The following TM7SF2 variants were observed in gnomAD, a reference collection of about 807,000 sequenced individuals.
TM7SF2 encodes delta(14)-sterol reductase TM7SF2.
TM7SF2 carries 51 observed loss-of-function variants against 51.0 expected under a neutral mutation model. The ratio of observed to expected loss-of-function variants is 1.00; its 90% CI spans 0.80 to 1.26. The LOEUF is 1.26. Ranked by LOEUF, TM7SF2 falls within the 50% of genes most tolerant of loss-of-function variation. The pLI is 0.00. For missense variants in TM7SF2, 541 were observed against 547.4 expected (o/e 0.99, Z 0.12); for synonymous variants, 255 against 241.0 (o/e 1.06, Z -0.54).
At chr11:65,115,780 G>C in intron 9 of TM7SF2, 113 bp from the exon 10 acceptor site, 2 of 1,584,226 alleles carry the variant, frequency 1.3e-6, no homozygotes, top group Non-Finnish European at 1.7e-6. Flanking sequence ...TGCAGACCCT[G>C]GCGCTTTTGC....
rs528818999 is a variant in TM7SF2 at position 65,112,744 on chromosome 11, G to A, written c.249+33G>A. 140 of 1,549,184 alleles carry A rather than the reference G, an allele frequency of 9.0e-5. No homozygotes were observed. In the South Asian group the frequency reaches 1.5e-3, roughly 17 times the overall value. ...CCCCGCTCGCGGACGCTCGGGGGAG[G>A]GAAGCGAATGGGCTCGGCGAGGGAA... On this transcript the variant is annotated intron_variant, in intron 2 of 9. Coordinates refer to ENST00000279263, the MANE Select transcript of TM7SF2 (RefSeq NM_003273.6).
In TM7SF2 at chr11:65,112,845, G is replaced by A. The variant is rs1208803014; in HGVS notation, c.284G>A (p.Arg95His). 3.9e-6 allele frequency: 6 copies of A among 1,550,738 alleles called. No homozygotes were observed. Among genetic ancestry groups the A allele is most frequent in the Non-Finnish European group, 3.5e-6 (4 of 1,147,096 alleles). ...AEGQELKDKSRLRYPINGFQA... is the reference protein window; with the variant it reads ...AEGQELKDKSHLRYPINGFQA... ...GGGCAGGAATTGAAGGACAAGAGTC[G>A]CCTGCGCTATCCTATTAACGGTGCC... The change falls in exon 3 of 10, where the codon CGC becomes CAC. Residue 95 changes from arginine to histidine, a missense_variant. Physicochemically the swap from Arg to His is conservative, Grantham distance 29. Coordinates refer to ENST00000279263, the MANE Select transcript of TM7SF2 (RefSeq NM_003273.6).
In TM7SF2 at chr11:65,112,954, CACCCCAGGCT is replaced by C; in HGVS notation, c.304+90_304+99del. 3 of 1,462,702 alleles carry C rather than the reference CACCCCAGGCT, an allele frequency of 2.1e-6. 1 individual carries two copies. In the South Asian group the frequency reaches 3.8e-5, roughly 18 times the overall value. The allele number at this position is 1,462,702 out of a possible 1,614,324, so 90.6% of individuals were successfully genotyped here. On this transcript the variant is annotated intron_variant, in intron 3 of 9. Coordinates refer to ENST00000279263, the MANE Select transcript of TM7SF2 (RefSeq NM_003273.6). ...GGGGAGGTCCACGGAGATTGGCCCCCACCCCAGGCTCCTTTGTGTGCCTCTGTTACGCCCA... is the reference window on the plus strand; with the variant it reads ...GGGGAGGTCCACGGAGATTGGCCCCCCCTTTGTGTGCCTCTGTTACGCCCA...
chr11:65,113,559 T>C lies in TM7SF2; in HGVS notation c.568T>C (p.Tyr190His). 1 of 1,614,174 alleles carries C rather than the reference T, an allele frequency of 6.2e-7. No homozygotes were observed. The highest frequency in any genetic ancestry group is 8.5e-7 in the Non-Finnish European group (1 of 1,180,036). Reference sequence around the variant, plus strand: ...TCGTATCTGTTTCTTCGACTTCAAATATTTCTGTGAACTGCGACCCGGCCT... The same window carrying C: ...TCGTATCTGTTTCTTCGACTTCAAACATTTCTGTGAACTGCGACCCGGCCT... ...NPRICFFDFK[Y>H]FCELRPGLIG... Residue 190 changes from tyrosine to histidine, a missense_variant, in exon 5 of 10, where the codon TAT becomes CAT. Coordinates refer to ENST00000279263, the MANE Select transcript of TM7SF2 (RefSeq NM_003273.6).
rs1451636203 is a variant in TM7SF2 at position 65,113,328 on chromosome 11, C to T, written c.413C>T (p.Thr138Ile). ...CTCCTGCCCTTGGCGTTTGTCGCCA[C>T]CCTCACCGCTTTCATCTTCAGCCTC... ...EMLLPLAFVATLTAFIFSLFL... is the reference protein window; with the variant it reads ...EMLLPLAFVAILTAFIFSLFL... The change falls in exon 4 of 10, where the codon ACC becomes ATC. Residue 138 changes from threonine (T) to isoleucine (I), a missense_variant. Thr to Ile is a moderately conservative substitution (Grantham distance 89, BLOSUM62 -1). Transcript: ENST00000279263. 2 of 1,613,852 alleles carry T rather than the reference C, an allele frequency of 1.2e-6. No homozygotes were observed.
rs1590817566 is a variant in TM7SF2 at position 65,115,371 on chromosome 11, A to T, written c.950A>T (p.Asn317Ile). The T allele has an allele frequency of 1.2e-6, 2 of 1,614,198 alleles. No individual in the cohort carries two copies. Among genetic ancestry groups the T allele is most frequent in the East Asian group, 4.5e-5 (2 of 44,882 alleles). The change falls in exon 8 of 10, where the codon AAT (asparagine) becomes ATT (isoleucine). Residue 317 changes from asparagine (N) to isoleucine (I), a missense_variant. Transcript: ENST00000279263. Reference protein sequence around the residue: ...ANSQKNTFRKNPSDPRVAGLE... With the variant: ...ANSQKNTFRKIPSDPRVAGLE... ...TCCCAGAAAAACACTTTCCGAAAGAATCCTTCTGACCCCAGAGTGGCTGGT... is the reference window on the plus strand; with the variant it reads ...TCCCAGAAAAACACTTTCCGAAAGATTCCTTCTGACCCCAGAGTGGCTGGT...
intron 9 of TM7SF2, 114 bp downstream of exon 9, chr11:65,115,712 T>C: frequency 1.9e-6 from 3 of 1,591,372 alleles, no homozygotes; most frequent in Admixed American, 3.4e-5. Context: ...GAGCTGGGGG[T>C]GGACCCAGTG....
chr11:65,113,447 G>A (rs1246470016), intron 4 of TM7SF2, 33 bp downstream of exon 4: 2 of 1,614,078 alleles, frequency 1.2e-6, no homozygotes, highest in African/African-American at 2.7e-5. Flanking sequence ...GACGGAGGCA[G>A]ATTGGGGCGT....
chr11:65,112,861 T>A lies in TM7SF2; in HGVS notation c.300T>A (p.Ile100=). The change falls in exon 3 of 10, where the codon ATT becomes ATA. Residue 100 remains isoleucine (I), a synonymous_variant. Coordinates refer to ENST00000279263, the MANE Select transcript of TM7SF2 (RefSeq NM_003273.6). ...LKDKSRLRYP[I]NGFQALVLTA... ...ACAAGAGTCGCCTGCGCTATCCTAT[T>A]AACGGTGCCTAGGGGACGGGCCCTC... 1 of 1,550,686 alleles carries A rather than the reference T, an allele frequency of 6.4e-7. No homozygotes were observed. Among genetic ancestry groups the A allele is most frequent in the Non-Finnish European group, 8.7e-7 (1 of 1,147,082 alleles).
chr11:65,113,679 CTG>C, intron 5 of TM7SF2, 85 bp downstream of exon 5: 8 of 1,151,422 alleles, frequency 6.9e-6, no homozygotes, highest in Admixed American at 1.7e-5. Context: ...AGGGCCAAAA[CTG>C]TGCAGATGCG....
rs763686518 is a variant in TM7SF2 at position 65,112,570 on chromosome 11, G to A, written c.108G>A (p.Ala36=). Residue 36 remains alanine (A), a synonymous_variant, in exon 2 of 10, where the codon GCG becomes GCA. Transcript: ENST00000279263. ...CCACCATGTTCCACCTGCTCCTGGC[G>A]GCCCGTTCGGGCCCCGCGCGCCTGC... ...LPATMFHLLL[A]ARSGPARLLG... is the part of the protein sequence containing the mutation. 1 of 1,522,430 alleles carries A rather than the reference G, an allele frequency of 6.6e-7. No individual in the cohort carries two copies. Among genetic ancestry groups the A allele is most frequent in the Non-Finnish European group, 8.7e-7 (1 of 1,143,884 alleles). The allele number at this position is 1,522,430 out of a possible 1,614,324, so 94.3% of individuals were successfully genotyped here. A position where few individuals can be genotyped will look rare whatever the true frequency, so the allele number is the denominator to read the frequency against.
intron 5 of TM7SF2, 61 bp downstream of exon 5, chr11:65,113,655 C>A: frequency 6.7e-7 from 1 of 1,494,692 alleles, no homozygotes. Context: ...GGGTGAGCAG[C>A]GCTTGGGCAG....
Position 65,113,499 on chromosome 11 carries a change from A to T in TM7SF2, c.508A>T (p.Ile170Phe), listed in dbSNP as rs1358110223. ...LAPGGNSGNP[I>F]YDFFLGRELN... ...TCTCCAATATTCTCCAGGCAATCCG[A>T]TTTACGACTTTTTTCTGGGACGAGA... is the stretch of plus-strand genomic sequence containing the variant. The change falls in exon 5 of 10, where the codon ATT becomes TTT. Residue 170 changes from isoleucine to phenylalanine, a missense_variant. Physicochemically the swap from Ile to Phe is conservative, Grantham distance 21. Coordinates refer to ENST00000279263, the MANE Select transcript of TM7SF2 (RefSeq NM_003273.6). 1 of 1,613,974 alleles carries T rather than the reference A, an allele frequency of 6.2e-7. No individual in the cohort carries two copies. Among genetic ancestry groups the T allele is most frequent in the East Asian group, 2.2e-5 (1 of 44,882 alleles).
chr11:65,112,663 C>T lies in TM7SF2; in HGVS notation c.201C>T (p.Leu67=), dbSNP rs1028506578. ...GCCCACGGGCGCTGCTGCTGTGGCT[C>T]GCCTGGCTCGGCCTGCAGGCGGCGC... ...LWSPRALLLW[L]AWLGLQAALY... is the part of the protein sequence containing the mutation. The change falls in exon 2 of 10, where the codon CTC becomes CTT. Residue 67 remains leucine (L), a synonymous_variant. Coordinates refer to ENST00000279263, the MANE Select transcript of TM7SF2 (RefSeq NM_003273.6). 1 of 1,531,586 alleles carries T rather than the reference C, an allele frequency of 6.5e-7. No individual in the cohort carries two copies. The highest frequency in any genetic ancestry group is 8.8e-7 in the Non-Finnish European group (1 of 1,141,752). 94.9% of individuals were successfully genotyped at this position (1,531,586 alleles called of 1,614,324 possible).
At chr11:65,113,973 G>A (rs1028093990) in intron 5 of TM7SF2, among the ~76,000 whole-genome samples, 5 of 152,152 alleles carry the variant, frequency 3.3e-5, no homozygotes, top group Non-Finnish European at 5.9e-5. Context: ...GAAATTGATC[G>A]CTGGGGTTAG....
Position 65,115,584 on chromosome 11 carries a change from G to A in TM7SF2, c.1082G>A (p.Trp361Ter). Residue 361 changes from tryptophan (W) to a stop codon, truncating the protein, a stop_gained, in exon 9 of 10, where the codon TGG becomes TAG. Coordinates refer to ENST00000279263, the MANE Select transcript of TM7SF2 (RefSeq NM_003273.6). LOFTEE classifies it high-confidence loss of function. The stretch of plus-strand genomic sequence containing the variant: ...GGAGACCTCATCATGGCTCTGGCTT[G>A]GTCCTTGCCCTGCGGTGAGTGGCCC... The part of the protein sequence containing the change: ...YLGDLIMALA[W>*]SLPCGVSHLL... The A allele has an allele frequency of 1.2e-6, 2 of 1,614,050 alleles. No homozygotes were observed. The highest frequency in any genetic ancestry group is 1.7e-6 in the Non-Finnish European group (2 of 1,180,016).
In TM7SF2 at chr11:65,113,555, C is replaced by G. The variant is rs371986771; in HGVS notation, c.564C>G (p.Phe188Leu). 1.2e-6 allele frequency: 2 copies of G among 1,612,486 alleles called. No individual in the cohort carries two copies. The highest frequency in any genetic ancestry group is 1.7e-4 in the Middle Eastern group (1 of 6,056). Residue 188 changes from phenylalanine to leucine, a missense_variant, in exon 5 of 10, where the codon TTC becomes TTG. Coordinates refer to ENST00000279263, the MANE Select transcript of TM7SF2 (RefSeq NM_003273.6). ...ACCCTCGTATCTGTTTCTTCGACTTCAAATATTTCTGTGAACTGCGACCCG... is the reference window on the plus strand; with the variant it reads ...ACCCTCGTATCTGTTTCTTCGACTTGAAATATTTCTGTGAACTGCGACCCG... ...ELNPRICFFD[F>L]KYFCELRPGL...
intron 9 of TM7SF2, 28 bp from the exon 10 acceptor site, chr11:65,115,865 G>C (rs554173160): frequency 1.2e-4 from 198 of 1,613,970 alleles, no homozygotes; most frequent in African/African-American, 2.4e-4. Flanking sequence ...GGGCCGGCAG[G>C]GTGGTCACAG....
At chr11:65,114,631 G>C (rs748423693) in intron 5 of TM7SF2, 82 bp from the exon 6 acceptor site, 70 of 1,512,270 alleles carry the variant, frequency 4.6e-5, no homozygotes, top group Non-Finnish European at 6.3e-5. Context: ...GTAACTGACA[G>C]TTGAGAAGGG....
Sources: allele counts gnomAD v4.1 joint callset (sites outside exome capture counted in the v4.1 genomes callset), GRCh38; gene constraint gnomAD v4.1.1; transcripts MANE v1.5; gene names NCBI Gene and HGNC (gene_info 2026-07-23, HGNC 2026-07-21).